CCSER1: variants seen among roughly 807,000 people sequenced by gnomAD.
CCSER1 encodes serine-rich coiled-coil domain-containing protein 1.
CCSER1 carries 41 observed loss-of-function variants against 82.0 expected under a neutral mutation model. The ratio of observed to expected loss-of-function variants is 0.50; its 90% CI spans 0.39 to 0.65. CCSER1 has a LOEUF of 0.65. Ranked by LOEUF, CCSER1 falls within the 30% of genes least tolerant of loss-of-function variation. The pLI is 0.00. For synonymous variants in CCSER1, 414 were observed against 383.9 expected (o/e 1.08, Z -0.92); for missense variants, 1,119 against 1,064.2 (o/e 1.05, Z -0.72).
intron 10 of CCSER1, among the ~76,000 whole-genome samples, chr4:91,272,557 C>G (rs576267100): frequency 1.3e-5 from 2 of 152,290 alleles, no homozygotes; most frequent in African/African-American, 4.8e-5. Flanking sequence ...TGTCTGTTTA[C>G]TCTGCTGGCA....
intron 5 of CCSER1, among the ~76,000 whole-genome samples, chr4:90,617,131 CAT>C (rs1360414725): frequency 5.3e-5 from 8 of 152,200 alleles, no homozygotes; most frequent in African/African-American, 1.9e-4. Context: ...TCTTTTCAGA[CAT>C]ATGTTTCATA....
intron 4 of CCSER1, among the ~76,000 whole-genome samples, chr4:90,435,478 T>C (rs1758876614): frequency 6.6e-6 from 1 of 152,136 alleles, no homozygotes; most frequent in Non-Finnish European, 1.5e-5. Flanking sequence ...AACTCCAATA[T>C]TGTGCTCCTT....
chr4:91,172,832 TA>T (rs79600567), intron 10 of CCSER1, among the ~76,000 whole-genome samples: 3 of 151,788 alleles, frequency 2.0e-5, no homozygotes, highest in African/African-American at 7.3e-5. Context: ...TGTGTTAATG[TA>T]AAAAAATACA....
chr4:91,049,720 A>G (rs565650972), intron 9 of CCSER1, among the ~76,000 whole-genome samples: 2 of 152,346 alleles, frequency 1.3e-5, no homozygotes, highest in Non-Finnish European at 1.5e-5. Flanking sequence ...CTAGCACTGA[A>G]TCATTGCAAT....
intron 1 of CCSER1, among the ~76,000 whole-genome samples, chr4:90,191,730 T>C (rs1396161537): frequency 1.3e-5 from 2 of 152,190 alleles, no homozygotes; most frequent in East Asian, 3.9e-4. Context: ...CTATGGAAAG[T>C]AGAAGCATAA....
intron 7 of CCSER1, among the ~76,000 whole-genome samples, chr4:90,733,724 G>A (rs1745162646): frequency 1.3e-5 from 2 of 152,212 alleles, no homozygotes; most frequent in South Asian, 4.1e-4. Flanking sequence ...TAGGGGTCTA[G>A]TTTCATTCTT....
At chr4:90,696,080 C>T (rs761391901) in intron 6 of CCSER1, among the ~76,000 whole-genome samples, 10 of 152,036 alleles carry the variant, frequency 6.6e-5, no homozygotes, top group South Asian at 2.1e-4. Flanking sequence ...TACCAACTAT[C>T]AATTTTAGTT....
At chr4:90,132,958 G>C (rs1205313925) in intron 1 of CCSER1, among the ~76,000 whole-genome samples, 1 of 152,124 alleles carries the variant, frequency 6.6e-6, no homozygotes, top group Admixed American at 6.5e-5. Flanking sequence ...TCAAAATGTG[G>C]TGTCCTAAGC....
chr4:91,324,115 A>G (rs947298971), intron 10 of CCSER1, among the ~76,000 whole-genome samples: 20 of 152,170 alleles, frequency 1.3e-4, no homozygotes, highest in Non-Finnish European at 2.5e-4. Context: ...CTTACTTTAC[A>G]ATGGAAACAA....
chr4:90,894,506 C>G (rs1458694621), intron 8 of CCSER1, among the ~76,000 whole-genome samples: 2 of 151,970 alleles, frequency 1.3e-5, no homozygotes, highest in African/African-American at 4.8e-5. Context: ...TTTTTACTCC[C>G]CAAAACAACT....
intron 6 of CCSER1, among the ~76,000 whole-genome samples, chr4:90,694,142 A>G (rs1016892590): frequency 6.6e-6 from 1 of 152,046 alleles, no homozygotes; most frequent in Non-Finnish European, 1.5e-5. Context: ...AAAGAAGACT[A>G]GAGTAGGAGT....
In CCSER1 at chr4:90,180,489, T is replaced by G. The variant is rs547522407; in HGVS notation, c.-42+52658T>G. 3.9e-3 allele frequency among the ~76,000 whole-genome samples: 587 copies of G among 152,006 alleles called. 1 individual carries two copies. Among genetic ancestry groups the G allele is most frequent in the Non-Finnish European group, 7.1e-3 (485 of 67,982 alleles). ...CCATGGTCCCAGCTACTCGGGAGGC[T>G]GAGGCAGGAGAATCGCTTGAACCTG... On this transcript the variant is annotated intron_variant, in intron 1 of 10. Coordinates refer to ENST00000509176, the MANE Select transcript of CCSER1 (RefSeq NM_001145065.2).
chr4:91,083,243 G>T (rs1722987460), intron 9 of CCSER1, among the ~76,000 whole-genome samples: 1 of 152,166 alleles, frequency 6.6e-6, no homozygotes, highest in Non-Finnish European at 1.5e-5. Flanking sequence ...AAAAAATGAT[G>T]AGTTCATGTC....
chr4:90,377,116 A>C (rs1305376858), intron 3 of CCSER1, among the ~76,000 whole-genome samples: 1 of 152,162 alleles, frequency 6.6e-6, no homozygotes, highest in East Asian at 1.9e-4. Flanking sequence ...GATCTAGAAA[A>C]GTTCTTTGTG....
intron 7 of CCSER1, among the ~76,000 whole-genome samples, chr4:90,728,807 T>C (rs1264948653): frequency 6.6e-6 from 1 of 152,194 alleles, no homozygotes; most frequent in Non-Finnish European, 1.5e-5. Flanking sequence ...CCCTATTGTA[T>C]AAAATGAAGT....
rs147285484 is a variant in CCSER1 at position 91,214,412 on chromosome 4, C to G, written c.2217+128418C>G. 6.7e-3 allele frequency among the ~76,000 whole-genome samples: 1,021 copies of G among 152,266 alleles called. 8 individuals are homozygous for G. Among genetic ancestry groups the G allele is most frequent in the African/African-American group, 0.023 (958 of 41,558 alleles). On this transcript the variant is annotated intron_variant, in intron 10 of 10. Coordinates refer to ENST00000509176, the MANE Select transcript of CCSER1 (RefSeq NM_001145065.2). ...TCAGTACCTTTTGCCCATAAAGAGA[C>G]CATCAACCAATTATTGTGATTCCTT...
chr4:91,592,783 G>T (rs1259674426), intron 10 of CCSER1, among the ~76,000 whole-genome samples: 3 of 151,646 alleles, frequency 2.0e-5, no homozygotes, highest in Admixed American at 1.3e-4. Context: ...ATTGTTTCAA[G>T]TTTCTCTATT....
intron 10 of CCSER1, among the ~76,000 whole-genome samples, chr4:91,297,031 G>C (rs1402326656): frequency 6.6e-6 from 1 of 151,776 alleles, no homozygotes; most frequent in Admixed American, 6.6e-5. Flanking sequence ...ACTAGTGGTT[G>C]CTATAGAGAT....
intron 6 of CCSER1, among the ~76,000 whole-genome samples, chr4:90,721,374 A>AC (rs150496145): frequency 0.012 from 1,799 of 151,878 alleles, 21 homozygotes; most frequent in Non-Finnish European, 0.02. Flanking sequence ...GATTAAAAAA[A>AC]AATTCATGAG....
Sources: gnomAD v4.1 joint callset for allele counts (sites outside exome capture counted in the v4.1 genomes callset) on GRCh38, gnomAD v4.1.1 for gene constraint, MANE v1.5 for transcripts, NCBI Gene and HGNC (gene_info 2026-07-23, HGNC 2026-07-21) for gene names.